The following ALDH1A1 variants were observed in gnomAD, a reference collection of about 807,000 sequenced individuals.
The protein encoded by ALDH1A1 is aldehyde dehydrogenase 1A1.
Under a neutral mutation model 62.1 loss-of-function variants are expected in ALDH1A1, and 19 were observed. The ratio of observed to expected loss-of-function variants is 0.31; its 90% CI spans 0.21 to 0.45. The LOEUF (loss-of-function observed/expected upper bound fraction) is 0.45. ALDH1A1 is among the 20% of genes least tolerant of loss of function. The probability of loss-of-function intolerance (pLI) is 1.00; values close to 1 mark genes in which losing one functional copy is unlikely to be tolerated. For missense variants in ALDH1A1, 521 were observed against 607.1 expected (o/e 0.86, Z 1.49); for synonymous variants, 231 against 215.9 (o/e 1.07, Z -0.61).
At chr9:72,904,537 G>A (rs986732736) in intron 12 of ALDH1A1, among the ~76,000 whole-genome samples, 1 of 152,072 alleles carries the variant, frequency 6.6e-6, no homozygotes, top group African/African-American at 2.4e-5. Flanking sequence ...TCTTCTGTTA[G>A]GAGAAGTTTT....
intron 9 of ALDH1A1, among the ~76,000 whole-genome samples, chr9:72,914,261 G>A (rs776612851): frequency 6.6e-6 from 1 of 152,144 alleles, no homozygotes; most frequent in Non-Finnish European, 1.5e-5. Flanking sequence ...ATCAACAAAA[G>A]CAATGAATAG....
intron 11 of ALDH1A1, 130 bp from the exon 12 acceptor site, chr9:72,906,162 TA>T (rs566234954): frequency 6.8e-5 from 40 of 591,760 alleles, no homozygotes; most frequent in Middle Eastern, 5.3e-4. Context: ...CTCATCTTGA[TA>T]AAAAAAAGTA....
intron 1 of ALDH1A1, among the ~76,000 whole-genome samples, chr9:72,951,931 A>C (rs1830547786): frequency 6.6e-6 from 1 of 151,992 alleles, no homozygotes; most frequent in Non-Finnish European, 1.5e-5. Flanking sequence ...TATGAAAATG[A>C]AAATGCAACA....
At chr9:72,919,071 G>A (rs1034733838) in intron 7 of ALDH1A1, among the ~76,000 whole-genome samples, 1 of 152,088 alleles carries the variant, frequency 6.6e-6, no homozygotes, top group Non-Finnish European at 1.5e-5. Context: ...CATTTTTAAA[G>A]ATCTGGCACT....
chr9:72,913,562 T>C (rs1830018658), intron 9 of ALDH1A1, among the ~76,000 whole-genome samples: 1 of 152,182 alleles, frequency 6.6e-6, no homozygotes. Context: ...CATCATGATA[T>C]CTGGTTTTTA....
chr9:72,908,481 A>G (rs1829910108), intron 11 of ALDH1A1, among the ~76,000 whole-genome samples: 2 of 142,020 alleles, frequency 1.4e-5, no homozygotes, highest in Admixed American at 7.1e-5. Flanking sequence ...AAGAAAAGAG[A>G]GAAAGAGAAA....
intron 9 of ALDH1A1, among the ~76,000 whole-genome samples, chr9:72,912,862 G>A (rs925505910): frequency 3.3e-5 from 5 of 152,194 alleles, no homozygotes. Flanking sequence ...TTCTGGTTGT[G>A]AACACCAGGA....
At chr9:72,946,060 C>A (rs749547987) in intron 1 of ALDH1A1, among the ~76,000 whole-genome samples, 1 of 151,970 alleles carries the variant, frequency 6.6e-6, no homozygotes, top group Non-Finnish European at 1.5e-5. Context: ...TTTTGAGCCA[C>A]TCCATCACTG....
intron 1 of ALDH1A1, among the ~76,000 whole-genome samples, chr9:72,940,637 C>T (rs770150516): frequency 9.9e-5 from 15 of 152,080 alleles, no homozygotes; most frequent in Non-Finnish European, 1.9e-4. Context: ...TTTTCGGCTA[C>T]TGGTGATTTG....
At chr9:72,926,885 T>C in intron 5 of ALDH1A1, 1 of 406,324 alleles carries the variant, frequency 2.5e-6, no homozygotes. Context: ...TTATGGATGA[T>C]GTAGTATTAA....
intron 1 of ALDH1A1, among the ~76,000 whole-genome samples, chr9:72,941,184 T>C (rs1830409914): frequency 6.6e-6 from 1 of 152,250 alleles, no homozygotes; most frequent in East Asian, 1.9e-4. Flanking sequence ...AGGTGACATA[T>C]GTGCTGGATT....
intron 2 of ALDH1A1, among the ~76,000 whole-genome samples, chr9:72,933,118 G>A (rs992156627): frequency 4.6e-5 from 7 of 152,102 alleles, no homozygotes; most frequent in Non-Finnish European, 5.9e-5. Flanking sequence ...ATACAGTAAT[G>A]TTAGTTAATA....
At chr9:72,925,413 C>A in intron 6 of ALDH1A1, 71 bp downstream of exon 6, 2 of 1,550,462 alleles carry the variant, frequency 1.3e-6, no homozygotes, top group Non-Finnish European at 1.8e-6. Flanking sequence ...ATAGTAGCAA[C>A]AAATGAGGTC....
intron 10 of ALDH1A1, among the ~76,000 whole-genome samples, chr9:72,910,544 T>C (rs1356227268): frequency 6.6e-6 from 1 of 152,212 alleles, no homozygotes; most frequent in African/African-American, 2.4e-5. Context: ...ACTAAGTTCC[T>C]GGTTACTGCA....
chr9:72,906,016 C>T lies in ALDH1A1; in HGVS notation c.1375G>A (p.Val459Met), dbSNP rs143437440. ...CCAAAGGGGCACTGGGCACTTACCACGCCATAGCAATTCACCCTGAAGGAA... is the reference window on the plus strand; with the variant it reads ...CCAAAGGGGCACTGGGCACTTACCATGCCATAGCAATTCACCCTGAAGGAA... ...AGTVWVNCYG[V>M]VSAQCPFGGF... The change falls in exon 12 of 13, where the codon GTG becomes ATG. Residue 459 changes from valine (V) to methionine (M), a missense_variant. Val to Met is a conservative substitution (Grantham distance 21). Coordinates refer to ENST00000297785, the MANE Select transcript of ALDH1A1 (RefSeq NM_000689.5). 5.6e-5 allele frequency: 91 copies of T among 1,611,648 alleles called. No homozygotes were observed. In the Admixed American group the frequency reaches 6.7e-4, roughly 12 times the overall value.
intron 1 of ALDH1A1, among the ~76,000 whole-genome samples, chr9:72,940,794 C>T (rs1830406102): frequency 6.6e-6 from 1 of 152,136 alleles, no homozygotes; most frequent in Non-Finnish European, 1.5e-5. Context: ...GTTTTATTCT[C>T]CTTTTCAAAA....
rs202153674 is a variant in ALDH1A1, at chr9:72,912,036, C to A, written c.1122G>T (p.Pro374=). 2 of 1,613,920 alleles carry A rather than the reference C, an allele frequency of 1.2e-6. No homozygotes were observed. Among genetic ancestry groups the A allele is most frequent in the South Asian group, 1.1e-5 (1 of 91,062 alleles). ...EGAKLECGGG[P]WGNKGYFVQP... The stretch of plus-strand genomic sequence containing the variant: ...GGACAAAGTAGCCTTTATTCCCCCA[C>A]GGGCCTCCTCCACATTCCAGTTTGG... The change falls in exon 10 of 13, where the codon CCG becomes CCT. Residue 374 remains proline, a synonymous_variant. Transcript: ENST00000297785.
At chr9:72,945,954 G>C (rs576878758) in intron 1 of ALDH1A1, among the ~76,000 whole-genome samples, 1 of 152,130 alleles carries the variant, frequency 6.6e-6, no homozygotes, top group South Asian at 2.1e-4. Context: ...TCTGACTTTA[G>C]TAACGTGAGT....
chr9:72,953,010 G>C lies in ALDH1A1; in HGVS notation c.-10C>G. 1.2e-6 allele frequency: 2 copies of C among 1,612,814 alleles called. No homozygotes were observed. The highest frequency in any genetic ancestry group is 3.3e-5 in the Admixed American group (2 of 59,914). The stretch of plus-strand genomic sequence containing the variant: ...TGCCTGAGGATGACATTTCTGATTC[G>C]GCTCCTGGAACACAGGTGACTGGCT... On this transcript the variant is annotated 5_prime_UTR_variant, in exon 1 of 13. Coordinates refer to ENST00000297785, the MANE Select transcript of ALDH1A1 (RefSeq NM_000689.5).
Sources: allele counts gnomAD v4.1 joint callset (sites outside exome capture counted in the v4.1 genomes callset), GRCh38; gene constraint gnomAD v4.1.1; transcripts MANE v1.5; gene names NCBI Gene and HGNC (gene_info 2026-07-23, HGNC 2026-07-21).